The following PIAS1 variants were observed in gnomAD, a reference collection of about 807,000 sequenced individuals.
The protein encoded by PIAS1 is E3 SUMO-protein ligase PIAS1.
In PIAS1, 6 loss-of-function variants were observed where a neutral mutation model predicts 71.3. The ratio of observed to expected loss-of-function variants is 0.08; its 90% CI spans 0.05 to 0.17. PIAS1 has a LOEUF of 0.17. Ranked by LOEUF, PIAS1 falls within the 10% of genes least tolerant of loss-of-function variation. The pLI is 1.00. For synonymous variants in PIAS1, 303 were observed against 292.9 expected (o/e 1.03, Z -0.35); for missense variants, 555 against 793.6 (o/e 0.70, Z 3.61).
At chr15:68,132,035 TAA>T (rs35523127) in intron 2 of PIAS1, among the ~76,000 whole-genome samples, 39 of 118,586 alleles carry the variant, frequency 3.3e-4, no homozygotes, top group East Asian at 2.4e-3. Context: ...AAACCTCCTC[TAA>T]AAAAAAAAAA....
intron 2 of PIAS1, among the ~76,000 whole-genome samples, chr15:68,105,208 A>G (rs1266088797): frequency 1.3e-5 from 2 of 152,186 alleles, no homozygotes; most frequent in Non-Finnish European, 2.9e-5. Context: ...CTTAGCAGAG[A>G]TAATATATTA....
At position 68,181,229 on chromosome 15, in the gene PIAS1, A is replaced by G. The variant is rs760481112; in HGVS notation, c.1499A>G (p.His500Arg). Residue 500 changes from histidine (H) to arginine (R), a missense_variant, in exon 12 of 14, where the codon CAT becomes CGT. Coordinates refer to ENST00000249636, the MANE Select transcript of PIAS1 (RefSeq NM_016166.3). Reference sequence around the variant, plus strand: ...TCTTCCAGCATTTTAAGTCTTCCACATCAAGCATCTCCAGTATCCCGCACC... The same window carrying G: ...TCTTCCAGCATTTTAAGTCTTCCACGTCAAGCATCTCCAGTATCCCGCACC... The part of the protein sequence containing the change: ...LNNKGILSLP[H>R]QASPVSRTPS... The G allele has an allele frequency of 6.2e-7, 1 of 1,613,468 alleles. No individual in the cohort carries two copies. The highest frequency in any genetic ancestry group is 1.1e-5 in the South Asian group (1 of 91,010).
Position 68,173,517 on chromosome 15 carries a change from A to G in PIAS1, c.1009-215A>G, listed in dbSNP as rs537941757. ...AAATAACCCTTGTTGTAGACTTTCC[A>G]TAGTCATTTTGTTTGATAGCCAAAG... On this transcript the variant is annotated intron_variant, in intron 8 of 13. Transcript: ENST00000249636. The surrounding 1 kb of genome is among the most constrained non-coding windows in gnomAD (Gnocchi z 4.3). Among the ~76,000 whole-genome samples, 1 of 152,232 alleles carries G rather than the reference A, an allele frequency of 6.6e-6. No homozygotes were observed. Among genetic ancestry groups the G allele is most frequent in the Non-Finnish European group, 1.5e-5 (1 of 68,034 alleles).
chr15:68,103,108 G>A (rs1173761726), intron 2 of PIAS1, among the ~76,000 whole-genome samples: 1 of 151,802 alleles, frequency 6.6e-6, no homozygotes, highest in African/African-American at 2.4e-5. Context: ...TCGTATTTTA[G>A]TAGAGATGGG....
rs2093106090 is a variant in PIAS1, at chr15:68,189,096, T to C, written c.*1261T>C. The C allele has an allele frequency of 6.6e-6, 1 of 152,220 alleles. No homozygotes were observed. The highest frequency in any genetic ancestry group is 1.5e-5 in the Non-Finnish European group (1 of 68,032). 9.4% of individuals were successfully genotyped at this position (152,220 alleles called of 1,614,324 possible). The stretch of plus-strand genomic sequence containing the variant: ...CTTGTTTATCTTTTTCTTCACCTTT[T>C]AACAAGTATGACATAGGAAAGTCAT... On this transcript the variant is annotated 3_prime_UTR_variant, in exon 14 of 14. Transcript: ENST00000249636.
rs1555424823 is a variant in PIAS1, at chr15:68,088,176, G to GTATGTATATATATATATATA, written c.469+1429_469+1430insGTATATATATATATATATAT. Among the ~76,000 whole-genome samples the GTATGTATATATATATATATA allele has an allele frequency of 3.2e-3, 236 of 72,944 alleles. 3 individuals are homozygous for GTATGTATATATATATATATA. Among genetic ancestry groups the GTATGTATATATATATATATA allele is most frequent in the African/African-American group, 0.014 (225 of 16,094 alleles). 47.9% of individuals were successfully genotyped at this position (72,944 alleles called of 152,430 possible). A position where few individuals can be genotyped will look rare whatever the true frequency, so the allele number is the denominator to read the frequency against. On this transcript the variant is annotated intron_variant, in intron 2 of 13. Coordinates refer to ENST00000249636, the MANE Select transcript of PIAS1 (RefSeq NM_016166.3). Reference sequence around the variant, plus strand: ...TTCTTGTCTGTCTGATTATGTGTGTGTATATATATATATATATATATATAT... The same window carrying GTATGTATATATATATATATA: ...TTCTTGTCTGTCTGATTATGTGTGTGTATGTATATATATATATATATATATATATATATATATATATATAT...
intron 1 of PIAS1, among the ~76,000 whole-genome samples, chr15:68,063,357 C>G (rs1390038010): frequency 6.6e-6 from 1 of 152,162 alleles, no homozygotes; most frequent in African/African-American, 2.4e-5. Context: ...GGAAAGATTT[C>G]AGAGTAAATA....
chr15:68,088,176 G>GTTTATATATATATATATA (rs150997979), intron 2 of PIAS1, among the ~76,000 whole-genome samples: 1 of 73,008 alleles, frequency 1.4e-5, no homozygotes, highest in Non-Finnish European at 2.5e-5. Flanking sequence ...TTATGTGTGT[G>GTTTATATATATATATATA]TATATATATA....
intron 11 of PIAS1, among the ~76,000 whole-genome samples, chr15:68,179,491 A>G (rs1595794126): frequency 6.7e-6 from 1 of 149,412 alleles, no homozygotes. Context: ...TATCCCATTC[A>G]TTAAAATGTG....
In PIAS1 at chr15:68,191,000, A is replaced by AT; in HGVS notation, c.*3169dup. On this transcript the variant is annotated 3_prime_UTR_variant, in exon 14 of 14. Coordinates refer to ENST00000249636, the MANE Select transcript of PIAS1 (RefSeq NM_016166.3). This position sits in a 1 kb window ranked among gnomAD's most constrained non-coding sequence, Gnocchi z 4.7. Reference sequence around the variant, plus strand: ...AAGAGCATTTTTTTAGACAATTTCAATTTTAAACACATAAAACTTTCAAGA... The same window carrying AT: ...AAGAGCATTTTTTTAGACAATTTCAATTTTTAAACACATAAAACTTTCAAGA... 1 of 152,470 alleles carries AT rather than the reference A, an allele frequency of 6.6e-6. No homozygotes were observed. The highest frequency in any genetic ancestry group is 2.1e-4 in the South Asian group (1 of 4,824). The allele number at this position is 152,470 out of a possible 1,614,324, so 9.4% of individuals were successfully genotyped here.
At chr15:68,096,707 C>T (rs1201064188) in intron 2 of PIAS1, among the ~76,000 whole-genome samples, 3 of 151,946 alleles carry the variant, frequency 2.0e-5, no homozygotes, top group African/African-American at 7.3e-5. Flanking sequence ...AGTTCCTTTT[C>T]AGTGTGTTCA....
chr15:68,123,833 C>T (rs1461346752), intron 2 of PIAS1, among the ~76,000 whole-genome samples: 1 of 152,022 alleles, frequency 6.6e-6, no homozygotes, highest in East Asian at 1.9e-4. Context: ...ATAGATGTAC[C>T]TTCACTACTG....
rs1426056417 is a variant in PIAS1 at position 68,187,753 on chromosome 15, A to G, written c.1874A>G (p.His625Arg). 1 of 1,614,012 alleles carries G rather than the reference A, an allele frequency of 6.2e-7. No homozygotes were observed. The highest frequency in any genetic ancestry group is 1.7e-5 in the Admixed American group (1 of 60,014). The change falls in exon 14 of 14, where the codon CAT (histidine) becomes CGT (arginine). Residue 625 changes from histidine to arginine, a missense_variant. By Grantham distance (29) the His-to-Arg change is conservative (BLOSUM62 0). Around this residue, in one of 5 missense-constraint regions of PIAS1, gnomAD observed 244 missense variants for 307.5 expected, o/e 0.79. Coordinates refer to ENST00000249636, the MANE Select transcript of PIAS1 (RefSeq NM_016166.3). This position sits in a 1 kb window ranked among gnomAD's most constrained non-coding sequence, Gnocchi z 5.3. ...TCTTCCAACAGCCTAAGGGAAAGCC[A>G]TAGCCACACCGTCACAAACAGGAGC... Reference protein sequence around the residue: ...LVSSNSLRESHSHTVTNRSST... With the variant: ...LVSSNSLRESRSHTVTNRSST...
chr15:68,072,399 CAAAAAAAAAAAAAAAAAA>C (rs1166484451), intron 1 of PIAS1, among the ~76,000 whole-genome samples: 1 of 25,014 alleles, frequency 4.0e-5, no homozygotes, highest in Non-Finnish European at 7.7e-5. Flanking sequence ...GACTCCATCT[CAAAAAAAAAAAAAAAAAA>C]AAAAAAAAAA....
chr15:68,113,536 T>C (rs2092539944), intron 2 of PIAS1, among the ~76,000 whole-genome samples: 1 of 152,108 alleles, frequency 6.6e-6, no homozygotes, highest in Non-Finnish European at 1.5e-5. Flanking sequence ...TGTGAGAGAA[T>C]AGATGAGCCA....
intron 2 of PIAS1, among the ~76,000 whole-genome samples, chr15:68,119,479 C>T (rs1456460126): frequency 2.0e-5 from 3 of 151,612 alleles, no homozygotes; most frequent in Non-Finnish European, 4.4e-5. Context: ...CCTGAATAGA[C>T]ATTCCTAATA....
At chr15:68,078,481 A>G (rs1447539627) in intron 1 of PIAS1, among the ~76,000 whole-genome samples, 1 of 152,164 alleles carries the variant, frequency 6.6e-6, no homozygotes, top group Admixed American at 6.5e-5. Context: ...CCTCTAAAAT[A>G]TGCATTTATT....
rs1277756529 is a variant in PIAS1, at chr15:68,111,697, A to G, written c.469+24947A>G. On this transcript the variant is annotated intron_variant, in intron 2 of 13. Coordinates refer to ENST00000249636, the MANE Select transcript of PIAS1 (RefSeq NM_016166.3). Reference sequence around the variant, plus strand: ...TAAATAATATTGAGGTGAGGAAGGAATTTTCCCTAGCGTAAAACTACTGAG... The same window carrying G: ...TAAATAATATTGAGGTGAGGAAGGAGTTTTCCCTAGCGTAAAACTACTGAG... Among the ~76,000 whole-genome samples the G allele has an allele frequency of 3.3e-5, 5 of 152,290 alleles. No individual in the cohort carries two copies. The East Asian group carries it at 9.6e-4, about 29-fold the overall frequency.
chr15:68,129,841 A>G (rs2092677623), intron 2 of PIAS1, among the ~76,000 whole-genome samples: 1 of 151,316 alleles, frequency 6.6e-6, no homozygotes, highest in Non-Finnish European at 1.5e-5. Context: ...ACACACTCTT[A>G]CATAGATTTA....
Sources: gnomAD v4.1 joint callset for allele counts (sites outside exome capture counted in the v4.1 genomes callset) on GRCh38, gnomAD v4.1.1 for gene constraint, gnomAD v4.1.1 regional missense constraint, Gnocchi (gnomAD v3.1) non-coding constraint, MANE v1.5 for transcripts, NCBI Gene and HGNC (gene_info 2026-07-23, HGNC 2026-07-21) for gene names.